ESRP1: variants seen among roughly 807,000 people sequenced by gnomAD.
ESRP1 encodes the protein epithelial splicing regulatory protein 1.
A neutral mutation model predicts 81.7 loss-of-function variants in ESRP1; 33 were observed. The observed-to-expected ratio is 0.40, with a 90% CI of 0.31 to 0.54. The LOEUF (loss-of-function observed/expected upper bound fraction) is 0.54, where lower values mean the gene tolerates loss of function less well. ESRP1 is among the 20% of genes least tolerant of loss of function. The pLI, the probability that ESRP1 is intolerant of heterozygous loss-of-function variation, is 0.41. For synonymous variants in ESRP1, 320 were observed against 303.3 expected, an observed-to-expected ratio of 1.06 and a Z score of -0.57; for missense variants, 672 against 833.1, an observed-to-expected ratio of 0.81 and a Z score of 2.38.
chr8:94,688,443 A>G, intron 13 of ESRP1: 1 of 272,118 alleles, frequency 3.7e-6, no homozygotes, highest in East Asian at 1.0e-4. Flanking sequence ...AACAAGTGTG[A>G]TCATCCTCAG....
chr8:94,696,966 G>A lies in ESRP1; in HGVS notation c.*35+5G>A. ...AGAACATCCTCAGAAAAGAAGGTAA[G>A]GCTTTATGATGTGCAAGTTAAATTA... On this transcript the variant is annotated splice_donor_5th_base_variant and intron_variant, in intron 15 of 15. Transcript: ENST00000433389. 1 of 1,535,056 alleles carries A rather than the reference G, an allele frequency of 6.5e-7. No individual in the cohort carries two copies. The highest frequency in any genetic ancestry group is 8.8e-7 in the Non-Finnish European group (1 of 1,140,508).
intron 13 of ESRP1, among the ~76,000 whole-genome samples, chr8:94,678,630 A>T (rs1029427472): frequency 2.6e-5 from 4 of 152,136 alleles, no homozygotes; most frequent in Non-Finnish European, 5.9e-5. Flanking sequence ...CTGTCATAGG[A>T]CCCCAAGTGA....
intron 15 of ESRP1, among the ~76,000 whole-genome samples, chr8:94,697,833 G>C (rs1203879069): frequency 1.3e-5 from 2 of 152,082 alleles, no homozygotes; most frequent in African/African-American, 4.8e-5. Flanking sequence ...CCGGGCTGGA[G>C]TGCAATGGCA....
chr8:94,664,242 G>A (rs1213018485), intron 6 of ESRP1, among the ~76,000 whole-genome samples: 2 of 150,652 alleles, frequency 1.3e-5, no homozygotes, highest in Non-Finnish European at 2.9e-5. Context: ...TCCTGCCTTG[G>A]CCTCCCAAGT....
intron 15 of ESRP1, among the ~76,000 whole-genome samples, chr8:94,698,085 T>C (rs576303932): frequency 6.6e-5 from 10 of 152,316 alleles, no homozygotes; most frequent in Non-Finnish European, 1.5e-4. Flanking sequence ...CCAGCCTGTT[T>C]CCTCTTTTAA....
chr8:94,694,121 G>A (rs1809506595), intron 14 of ESRP1, among the ~76,000 whole-genome samples: 1 of 152,130 alleles, frequency 6.6e-6, no homozygotes, highest in African/African-American at 2.4e-5. Context: ...AAAACATTTT[G>A]ACTTGTGTAT....
intron 11 of ESRP1, among the ~76,000 whole-genome samples, chr8:94,671,904 A>G (rs1819350790): frequency 6.6e-6 from 1 of 152,182 alleles, no homozygotes; most frequent in African/African-American, 2.4e-5. Context: ...GTCTTTAAGG[A>G]AAGACTTAAC....
chr8:94,701,071 G>A (rs1028046005), intron 15 of ESRP1, among the ~76,000 whole-genome samples: 3 of 151,436 alleles, frequency 2.0e-5, no homozygotes, highest in African/African-American at 4.9e-5. Flanking sequence ...TCAGGAGTTC[G>A]AGACCAGTCT....
intron 14 of ESRP1, among the ~76,000 whole-genome samples, chr8:94,696,510 C>G (rs1187281581): frequency 6.6e-6 from 1 of 152,178 alleles, no homozygotes. Flanking sequence ...ATAACTAGTG[C>G]TCAAATATTT....
At position 94,677,024 on chromosome 8, in the gene ESRP1, A is replaced by G. The variant is rs1000501737; in HGVS notation, c.1652-1179A>G. Among the ~76,000 whole-genome samples, 4 of 152,090 alleles carry G rather than the reference A, an allele frequency of 2.6e-5. No individual in the cohort carries two copies. The South Asian group carries it at 8.3e-4, about 32-fold the overall frequency. On this transcript the variant is annotated intron_variant, in intron 12 of 15. Coordinates refer to ENST00000433389, the MANE Select transcript of ESRP1 (RefSeq NM_017697.4). ...ATTCAAGAAATCAGAATATGAGCACAGGCTGTATAACTTTCTGTGAGACTT... is the reference window on the plus strand; with the variant it reads ...ATTCAAGAAATCAGAATATGAGCACGGGCTGTATAACTTTCTGTGAGACTT...
chr8:94,665,081 C>G, intron 8 of ESRP1, 22 bp downstream of exon 8: 1 of 1,613,536 alleles, frequency 6.2e-7, no homozygotes, highest in Non-Finnish European at 8.5e-7. Context: ...AAACCTGAAC[C>G]CCTGGACATC....
chr8:94,674,342 A>C lies in ESRP1; in HGVS notation c.1487A>C (p.Lys496Thr). 6.2e-7 allele frequency: 1 copy of C among 1,613,976 alleles called. No homozygotes were observed. Among genetic ancestry groups the C allele is most frequent in the African/African-American group, 1.3e-5 (1 of 75,042 alleles). ...TCAGGAGATGCCTTTATCCAGATGAAGTCTGCGGACAGAGCATTTATGGCT... is the reference window on the plus strand; with the variant it reads ...TCAGGAGATGCCTTTATCCAGATGACGTCTGCGGACAGAGCATTTATGGCT... The part of the protein sequence containing the change: ...RPSGDAFIQM[K>T]SADRAFMAAQ... The change falls in exon 12 of 16, where the codon AAG becomes ACG. Residue 496 changes from lysine to threonine, a missense_variant. Lys to Thr is a moderately conservative substitution (Grantham distance 78). Transcript: ENST00000433389.
intron 10 of ESRP1, among the ~76,000 whole-genome samples, chr8:94,670,392 A>G (rs938938500): frequency 1.3e-5 from 2 of 151,994 alleles, no homozygotes; most frequent in African/African-American, 4.8e-5. Context: ...ATAACTTCTT[A>G]TTAAAGTCTT....
intron 3 of ESRP1, among the ~76,000 whole-genome samples, chr8:94,644,083 CAGAG>C (rs1294797081): frequency 2.6e-5 from 4 of 152,060 alleles, no homozygotes; most frequent in African/African-American, 7.2e-5. Context: ...ATTTTTCTGA[CAGAG>C]AGAGGATTAC....
intron 13 of ESRP1, among the ~76,000 whole-genome samples, chr8:94,687,849 C>T (rs1009698058): frequency 6.6e-6 from 1 of 152,028 alleles, no homozygotes; most frequent in Non-Finnish European, 1.5e-5. Flanking sequence ...TTCTCCAATT[C>T]TGTAGGTTGT....
rs10618511 is a variant in ESRP1 at position 94,704,766 on chromosome 8, GAAAAAAAAAA to G, written c.*36-1141_*36-1132del. Among the ~76,000 whole-genome samples the G allele has an allele frequency of 4.1e-4, 45 of 108,760 alleles. 1 individual carries two copies. Among genetic ancestry groups the G allele is most frequent in the East Asian group, 2.5e-3 (7 of 2,846 alleles). 71.4% of individuals were successfully genotyped at this position (108,760 alleles called of 152,430 possible). On this transcript the variant is annotated intron_variant, in intron 15 of 15. Coordinates refer to ENST00000433389, the MANE Select transcript of ESRP1 (RefSeq NM_017697.4). ...ACAATGCAAGGCACCATCTCTTTTT[GAAAAAAAAAA>G]AAAAAAAAAAAAAAAAACTGCAGTG...
rs1359884404 is a variant in ESRP1, at chr8:94,686,854, ATTC to A, written c.1821-5820_1821-5818del. Among the ~76,000 whole-genome samples the A allele has an allele frequency of 7.2e-5, 11 of 152,142 alleles. 1 individual carries two copies. The highest frequency in any genetic ancestry group is 7.2e-4 in the Admixed American group (11 of 15,274). On this transcript the variant is annotated intron_variant, in intron 13 of 15. Coordinates refer to ENST00000433389, the MANE Select transcript of ESRP1 (RefSeq NM_017697.4). ...CATAGCTCTTTTTTAAGAACTTTTTATTCTTATTTGGCGTGCAATTAGAAAATT... is the reference window on the plus strand; with the variant it reads ...CATAGCTCTTTTTTAAGAACTTTTTATTATTTGGCGTGCAATTAGAAAATT...
intron 2 of ESRP1, 116 bp from the exon 3 acceptor site, chr8:94,643,187 T>A (rs2303451): frequency 0.37 from 234,216 of 639,622 alleles, 47,329 homozygotes; most frequent in East Asian, 0.57. Context: ...CCAGCACCGG[T>A]GTCACCCATC....
intron 15 of ESRP1, among the ~76,000 whole-genome samples, chr8:94,705,110 C>T (rs1243375516): frequency 6.8e-6 from 1 of 147,322 alleles, no homozygotes; most frequent in Admixed American, 6.8e-5. Flanking sequence ...CAACTAGTCA[C>T]AGGCATATAG....
Sources: allele counts gnomAD v4.1 joint callset (sites outside exome capture counted in the v4.1 genomes callset), GRCh38; gene constraint gnomAD v4.1.1; transcripts MANE v1.5; gene names NCBI Gene and HGNC (gene_info 2026-07-23, HGNC 2026-07-21).